ERICH6: variants seen among roughly 807,000 people sequenced by gnomAD.
ERICH6 encodes glutamate-rich protein 6.
Under a neutral mutation model 71.0 loss-of-function variants are expected in ERICH6, and 71 were observed. The observed-to-expected ratio is 1.00, with a 90% CI of 0.83 to 1.22. The LOEUF (loss-of-function observed/expected upper bound fraction) is 1.22, where lower values mean the gene tolerates loss of function less well. Among genes scored for constraint, ERICH6 ranks in the 50% most tolerant of loss-of-function variants. The pLI is 0.00. For missense variants in ERICH6, 808 were observed against 797.2 expected (o/e 1.01, Z -0.16); for synonymous variants, 262 against 278.4 (o/e 0.94, Z 0.59).
chr3:150,677,868 G>A (rs988248882), intron 10 of ERICH6, among the ~76,000 whole-genome samples: 1 of 152,086 alleles, frequency 6.6e-6, no homozygotes, highest in African/African-American at 2.4e-5. Context: ...TTATAAGTAT[G>A]TTAACAAAAA....
intron 3 of ERICH6, among the ~76,000 whole-genome samples, chr3:150,686,670 C>T (rs1287689949): frequency 6.6e-6 from 1 of 152,212 alleles, no homozygotes; most frequent in Admixed American, 6.5e-5. Context: ...CCAAACCCTA[C>T]TATGCACAAA....
At chr3:150,669,511 A>C in intron 11 of ERICH6, 60 bp from the exon 12 acceptor site, 1 of 1,560,418 alleles carries the variant, frequency 6.4e-7, no homozygotes, top group Non-Finnish European at 8.7e-7. Flanking sequence ...CTGGGAACAA[A>C]TTCAATTTAT....
intron 12 of ERICH6, among the ~76,000 whole-genome samples, 188 bp from the exon 13 acceptor site, chr3:150,667,203 T>C (rs1014717809): frequency 1.3e-5 from 2 of 152,194 alleles, no homozygotes; most frequent in African/African-American, 4.8e-5. Context: ...TGAAGTACTG[T>C]ATCCTGTTTG....
rs1711535327 is a variant in ERICH6 at position 150,673,362 on chromosome 3, T to G, written c.1343+594A>C. ...TACCACCACACCTGGCTAATTTTCT[T>G]ATTTTTTGTAGAGATGAGCTCTCAC... On this transcript the variant is annotated intron_variant, in intron 11 of 13. Coordinates refer to ENST00000295910, the MANE Select transcript of ERICH6 (RefSeq NM_152394.5). Among the ~76,000 whole-genome samples, 3 of 152,074 alleles carry G rather than the reference T, an allele frequency of 2.0e-5. No individual in the cohort carries two copies. In the South Asian group the frequency reaches 6.2e-4, roughly 32 times the overall value.
intron 3 of ERICH6, among the ~76,000 whole-genome samples, chr3:150,695,590 C>G (rs1326072358): frequency 6.6e-6 from 1 of 152,066 alleles, no homozygotes; most frequent in Admixed American, 6.5e-5. Flanking sequence ...ATCGCTTGAA[C>G]CTGGGAGGCG....
intron 3 of ERICH6, among the ~76,000 whole-genome samples, chr3:150,692,234 C>A (rs1712469434): frequency 6.6e-6 from 1 of 151,970 alleles, no homozygotes; most frequent in African/African-American, 2.4e-5. Context: ...TTTTGAAAAA[C>A]AAATTTAATT....
At position 150,686,191 on chromosome 3, in the gene ERICH6, A is replaced by C. The variant is rs1712178393; in HGVS notation, c.610+107T>G. On this transcript the variant is annotated intron_variant, in intron 4 of 13. Coordinates refer to ENST00000295910, the MANE Select transcript of ERICH6 (RefSeq NM_152394.5). ...TCGCCACCTTCTCACACCTGTTCTT[A>C]GGTGAGTCCTTTTTCAAAGCAGATG... is the stretch of plus-strand genomic sequence containing the variant. 5 of 1,349,674 alleles carry C rather than the reference A, an allele frequency of 3.7e-6. No homozygotes were observed. The Admixed American group carries it at 5.1e-5, about 14-fold the overall frequency. 83.6% of individuals were successfully genotyped at this position (1,349,674 alleles called of 1,614,324 possible). A position where few individuals can be genotyped will look rare whatever the true frequency, so the allele number is the denominator to read the frequency against.
rs1015679543 is a variant in ERICH6 at position 150,673,764 on chromosome 3, G to A, written c.1343+192C>T. On this transcript the variant is annotated intron_variant, in intron 11 of 13. Transcript: ENST00000295910. Reference sequence around the variant, plus strand: ...CCATCACGCCCAGCTAACACTTTGTGGAGACGGAGTTTTGCCATGTTGCCC... The same window carrying A: ...CCATCACGCCCAGCTAACACTTTGTAGAGACGGAGTTTTGCCATGTTGCCC... Among the ~76,000 whole-genome samples, 7 of 151,644 alleles carry A rather than the reference G, an allele frequency of 4.6e-5. 1 individual carries two copies. The highest frequency in any genetic ancestry group is 4.8e-5 in the African/African-American group (2 of 41,268).
chr3:150,700,241 A>ATTTT (rs34624356), intron 2 of ERICH6, among the ~76,000 whole-genome samples: 1,862 of 110,872 alleles, frequency 0.017, 52 homozygotes, highest in African/African-American at 0.064. Flanking sequence ...TGCCCGGCTA[A>ATTTT]TTTTTTTTTT....
chr3:150,698,740 C>T (rs1235179682), intron 3 of ERICH6, 51 bp downstream of exon 3: 2 of 1,464,480 alleles, frequency 1.4e-6, no homozygotes, highest in Admixed American at 3.4e-5. Context: ...TGTGATATTT[C>T]CAACATGCAA....
chr3:150,664,349 A>G (rs1727325197), intron 13 of ERICH6, among the ~76,000 whole-genome samples: 1 of 152,308 alleles, frequency 6.6e-6, no homozygotes, highest in South Asian at 2.1e-4. Flanking sequence ...TTATGTTTTA[A>G]AAAAGATGTA....
chr3:150,661,091 C>A (rs958469860), intron 13 of ERICH6, among the ~76,000 whole-genome samples: 2 of 152,082 alleles, frequency 1.3e-5, no homozygotes, highest in African/African-American at 2.4e-5. Flanking sequence ...TTGTTTCCAG[C>A]GGGGTTGGAA....
In ERICH6 at chr3:150,686,004, G is replaced by T. The variant is rs1238460465; in HGVS notation, c.628C>A (p.Pro210Thr). ...AAAATATTTAGTTTCGACTCTTCTG[G>T]ATTAATTACCCATTTTTCTGGAGAG... ...SKLREKWVIN[P>T]EESKLNILYE... Residue 210 changes from proline (P) to threonine (T), a missense_variant, in exon 5 of 14, where the codon CCA becomes ACA. This residue lies in a region of ERICH6 where 736 missense variants were observed against 712.2 expected (regional missense o/e 1.03). Transcript: ENST00000295910. The T allele has an allele frequency of 1.2e-6, 2 of 1,603,652 alleles. No homozygotes were observed. The highest frequency in any genetic ancestry group is 2.2e-5 in the South Asian group (2 of 90,898).
chr3:150,678,171 C>T (rs983440295), intron 10 of ERICH6, among the ~76,000 whole-genome samples: 1 of 152,088 alleles, frequency 6.6e-6, no homozygotes, highest in Non-Finnish European at 1.5e-5. Flanking sequence ...TTTTAATTTT[C>T]TAAGGGTTCC....
intron 13 of ERICH6, among the ~76,000 whole-genome samples, chr3:150,665,064 A>T (rs1266434635): frequency 1.3e-5 from 2 of 152,086 alleles, no homozygotes; most frequent in African/African-American, 2.4e-5. Context: ...TTTGTGTAAG[A>T]ATGTATTTAC....
chr3:150,700,586 T>G (rs1001873975), intron 2 of ERICH6, among the ~76,000 whole-genome samples: 1 of 151,774 alleles, frequency 6.6e-6, no homozygotes, highest in Non-Finnish European at 1.5e-5. Flanking sequence ...TTATTATTAT[T>G]TTTTATTTAT....
At chr3:150,702,994 C>CAGAGAGAGAG (rs71676608) in intron 1 of ERICH6, among the ~76,000 whole-genome samples, 3 of 124,202 alleles carry the variant, frequency 2.4e-5, no homozygotes, top group Non-Finnish European at 4.8e-5. Context: ...GGAGGGGGAA[C>CAGAGAGAGAG]AGAGAGAGAG....
chr3:150,700,543 A>G (rs1712832412), intron 2 of ERICH6, among the ~76,000 whole-genome samples: 1 of 151,822 alleles, frequency 6.6e-6, no homozygotes, highest in Admixed American at 6.6e-5. Context: ...AAAACTGTAG[A>G]CAGAACAACA....
intron 6 of ERICH6, 28 bp from the exon 7 acceptor site, chr3:150,682,344 G>A (rs762378514): frequency 1.9e-6 from 3 of 1,562,158 alleles, no homozygotes; most frequent in Non-Finnish European, 2.6e-6. Context: ...AAAAATTAAA[G>A]AAGTCCCCAC....
Sources: allele counts gnomAD v4.1 joint callset (sites outside exome capture counted in the v4.1 genomes callset), GRCh38; gene constraint gnomAD v4.1.1; regional missense constraint gnomAD v4.1.1; transcripts MANE v1.5; gene names NCBI Gene and HGNC (gene_info 2026-07-23, HGNC 2026-07-21).